Variants in RUFY2 observed in about 807,000 individuals in gnomAD.
RUFY2 encodes RUN and FYVE domain-containing protein 2.
RUFY2 carries 49 observed loss-of-function variants against 94.4 expected under a neutral mutation model. The observed-to-expected ratio is 0.52, with a 90% CI of 0.41 to 0.66. The LOEUF (loss-of-function observed/expected upper bound fraction) is 0.66, where lower values mean the gene tolerates loss of function less well. Ranked by LOEUF, RUFY2 falls within the 30% of genes least tolerant of loss-of-function variation. The pLI is 0.00. For synonymous variants in RUFY2, 255 were observed against 235.7 expected, an observed-to-expected ratio of 1.08 and a Z score of -0.75; for missense variants, 541 against 692.8, an observed-to-expected ratio of 0.78 and a Z score of 2.46.
chr10:68,365,832 T>C (rs77304195), intron 13 of RUFY2, among the ~76,000 whole-genome samples: 1,622 of 152,266 alleles, frequency 0.011, 30 homozygotes, highest in African/African-American at 0.037. Context: ...ACTTACTGTG[T>C]ATGTTACATA....
downstream of RUFY2, chr10:68,341,851 G>A (rs1445627158): frequency 3.1e-6 from 5 of 1,608,272 alleles, no homozygotes; most frequent in South Asian, 4.4e-5. Flanking sequence ...GGGTGGTTAT[G>A]GTAAGTATCT....
Position 68,383,907 on chromosome 10 carries a change from T to C in RUFY2, c.830A>G (p.Lys277Arg). 1.9e-6 allele frequency: 3 copies of C among 1,613,174 alleles called. No individual in the cohort carries two copies. The highest frequency in any genetic ancestry group is 2.5e-6 in the Non-Finnish European group (3 of 1,179,480). Residue 277 changes from lysine to arginine, a missense_variant, in exon 10 of 18, where the codon AAA becomes AGA. Physicochemically the swap from Lys to Arg is conservative, Grantham distance 26. Transcript: ENST00000602465. ...MKTQQHLEVT[K>R]VDVETELQTY... ...TTGAAGCTCAGTTTCCACATCTACT[T>C]TGGTAACCTAGGAAGAAAACAAAAT...
chr10:68,354,444 A>G (rs2046906630), intron 16 of RUFY2, among the ~76,000 whole-genome samples: 1 of 152,098 alleles, frequency 6.6e-6, no homozygotes, highest in African/African-American at 2.4e-5. Flanking sequence ...CCAAAGTGCT[A>G]TGAACCACCA....
rs1364369030 is a variant in RUFY2, at chr10:68,345,257, C to G, written c.*511G>C. ...TTGTAGGACAAAATATTGGCCCTGTCTAATGCAAGAGGCAAAGGGAGAGGG... is the reference window on the plus strand; with the variant it reads ...TTGTAGGACAAAATATTGGCCCTGTGTAATGCAAGAGGCAAAGGGAGAGGG... On this transcript the variant is annotated 3_prime_UTR_variant, in exon 18 of 18. Coordinates refer to ENST00000602465, the MANE Select transcript of RUFY2 (RefSeq NM_001330103.2). 5.3e-6 allele frequency: 1 copy of G among 189,450 alleles called. No individual in the cohort carries two copies. The highest frequency in any genetic ancestry group is 1.1e-5 in the Non-Finnish European group (1 of 93,344). 11.7% of individuals were successfully genotyped at this position (189,450 alleles called of 1,614,324 possible).
chr10:68,375,886 T>C (rs1012266032), intron 13 of RUFY2, among the ~76,000 whole-genome samples: 3 of 151,624 alleles, frequency 2.0e-5, no homozygotes, highest in African/African-American at 7.3e-5. Context: ...TCACCTGAGT[T>C]CAGGAGTATG....
At chr10:68,400,184 C>T (rs1007343150) in intron 3 of RUFY2, among the ~76,000 whole-genome samples, 3 of 151,934 alleles carry the variant, frequency 2.0e-5, no homozygotes, top group Admixed American at 1.3e-4. Flanking sequence ...TGGATGGTGG[C>T]ACATGCCTGT....
chr10:68,363,446 CG>C (rs2047595655), intron 15 of RUFY2, 143 bp downstream of exon 15: 1 of 503,642 alleles, frequency 2.0e-6, no homozygotes. Context: ...TTACAAAGTG[CG>C]GGGATTACAG....
At chr10:68,376,414 A>G (rs909640503) in intron 13 of RUFY2, among the ~76,000 whole-genome samples, 2 of 136,118 alleles carry the variant, frequency 1.5e-5, no homozygotes, top group African/African-American at 2.6e-5. Flanking sequence ...GGGCAACAAG[A>G]GTGAAACTTC....
At chr10:68,387,773 G>T (rs1259155680) in intron 7 of RUFY2, among the ~76,000 whole-genome samples, 1 of 124,098 alleles carries the variant, frequency 8.1e-6, no homozygotes, top group African/African-American at 2.7e-5. Flanking sequence ...GGGAGGCCGA[G>T]GCGGGCAGAT....
chr10:68,345,792 C>T lies in RUFY2; in HGVS notation c.1797G>A (p.Gln599=). The T allele has an allele frequency of 6.2e-7, 1 of 1,613,552 alleles. No individual in the cohort carries two copies. Among genetic ancestry groups the T allele is most frequent in the Non-Finnish European group, 8.5e-7 (1 of 1,179,720 alleles). The change falls in exon 18 of 18, where the codon CAG becomes CAA. Residue 599 remains glutamine, a synonymous_variant. Coordinates refer to ENST00000602465, the MANE Select transcript of RUFY2 (RefSeq NM_001330103.2). The stretch of plus-strand genomic sequence containing the variant: ...CTCAGGGCAAGTTAGATGAGCATCT[C>T]TGAATGAGCAGTGCATGACAGGAAT... ...VCDSCHALLI[Q]RCSSNLP
At chr10:68,391,516 T>C (rs1054745698) in intron 7 of RUFY2, among the ~76,000 whole-genome samples, 28 of 151,508 alleles carry the variant, frequency 1.8e-4, no homozygotes, top group African/African-American at 6.6e-4. Flanking sequence ...GGCATGGTGG[T>C]GCACACTTGT....
chr10:68,376,005 CAGG>C (rs1446476282), intron 13 of RUFY2, among the ~76,000 whole-genome samples: 1 of 151,098 alleles, frequency 6.6e-6, no homozygotes, highest in Non-Finnish European at 1.5e-5. Flanking sequence ...GAGGCTGAGA[CAGG>C]AGAATTGCTT....
At chr10:68,358,651 C>A (rs1361154121) in intron 15 of RUFY2, among the ~76,000 whole-genome samples, 1 of 152,194 alleles carries the variant, frequency 6.6e-6, no homozygotes, top group Admixed American at 6.6e-5. Flanking sequence ...TGGCTCACAC[C>A]TGTAATTCCA....
At position 68,393,873 on chromosome 10, in the gene RUFY2, A is replaced by T. The variant is rs41306554; in HGVS notation, c.584+202T>A. 4 of 1,173,404 alleles carry T rather than the reference A, an allele frequency of 3.4e-6. No homozygotes were observed. The South Asian group carries it at 4.7e-5, about 14-fold the overall frequency. The allele number at this position is 1,173,404 out of a possible 1,614,324, so 72.7% of individuals were successfully genotyped here. A position where few individuals can be genotyped will look rare whatever the true frequency, so the allele number is the denominator to read the frequency against. On this transcript the variant is annotated intron_variant, in intron 6 of 17. Coordinates refer to ENST00000602465, the MANE Select transcript of RUFY2 (RefSeq NM_001330103.2). ...GGTATAACCAAAGGTCCCACTTCAT[A>T]CTATTAATAAAACCTCCTTCTCCTA...
At chr10:68,352,787 G>A (rs1477194718) in intron 16 of RUFY2, among the ~76,000 whole-genome samples, 1 of 152,002 alleles carries the variant, frequency 6.6e-6, no homozygotes, top group Non-Finnish European at 1.5e-5. Context: ...AAATTAGGTG[G>A]CACATGCCTG....
intron 15 of RUFY2, among the ~76,000 whole-genome samples, chr10:68,358,275 G>C (rs1016505895): frequency 1.1e-4 from 16 of 152,242 alleles, no homozygotes; most frequent in African/African-American, 3.9e-4. Context: ...TGAAATTCCT[G>C]AATCAAATGA....
downstream of RUFY2, chr10:68,341,326 G>T (rs747539036): frequency 8.0e-5 from 128 of 1,590,526 alleles, no homozygotes; most frequent in Non-Finnish European, 1.0e-4. Flanking sequence ...GGTGTCTTTG[G>T]CACACAATCT....
At chr10:68,388,357 G>A (rs1418502818) in intron 7 of RUFY2, among the ~76,000 whole-genome samples, 1 of 152,030 alleles carries the variant, frequency 6.6e-6, no homozygotes, top group East Asian at 1.9e-4. Flanking sequence ...CAGCTACTCG[G>A]AAGGCTGAGG....
intron 7 of RUFY2, among the ~76,000 whole-genome samples, chr10:68,387,595 T>TGA (rs1429057683): frequency 1.3e-5 from 2 of 152,194 alleles, no homozygotes; most frequent in Non-Finnish European, 1.5e-5. Context: ...GTAGACAACT[T>TGA]GAGTTTTTCA....
Sources: gnomAD v4.1 joint callset for allele counts (sites outside exome capture counted in the v4.1 genomes callset) on GRCh38, gnomAD v4.1.1 for gene constraint, MANE v1.5 for transcripts, NCBI Gene and HGNC (gene_info 2026-07-23, HGNC 2026-07-21) for gene names.